The following FHOD3 variants were observed in gnomAD, a reference collection of about 807,000 sequenced individuals.
FHOD3 encodes formin homology 2 domain containing 3, also known as FH1/FH2 domain-containing protein 3.
In FHOD3, 90 loss-of-function variants were observed where a neutral mutation model predicts 173.0. That is an observed-to-expected ratio of 0.52 (90% CI 0.44 to 0.62). The LOEUF (loss-of-function observed/expected upper bound fraction) is 0.62. Ranked by LOEUF, FHOD3 falls within the 20% of genes least tolerant of loss-of-function variation. The pLI, the probability that FHOD3 is intolerant of heterozygous loss-of-function variation, is 0.00. For missense variants in FHOD3, 1,945 were observed against 2,034.7 expected, an observed-to-expected ratio of 0.96 and a Z score of 0.85; for synonymous variants, 828 against 823.0, an observed-to-expected ratio of 1.01 and a Z score of -0.10.
intron 1 of FHOD3, among the ~76,000 whole-genome samples, chr18:36,344,073 T>C (rs1390034934): frequency 6.6e-6 from 1 of 152,144 alleles, no homozygotes; most frequent in African/African-American, 2.4e-5. Flanking sequence ...AATAGGTGAA[T>C]TATGTGGTAT....
At chr18:36,444,216 T>C (rs1031350323) in intron 3 of FHOD3, among the ~76,000 whole-genome samples, 5 of 135,028 alleles carry the variant, frequency 3.7e-5, no homozygotes, top group African/African-American at 1.4e-4. Flanking sequence ...AAAAAAAGAA[T>C]TGTAAATTTT....
At chr18:36,719,751 A>C (rs1313243038) in intron 19 of FHOD3, among the ~76,000 whole-genome samples, 3 of 152,230 alleles carry the variant, frequency 2.0e-5, no homozygotes, top group African/African-American at 4.8e-5. Context: ...ATTCTGTATC[A>C]AAATTACATG....
intron 9 of FHOD3, among the ~76,000 whole-genome samples, chr18:36,619,308 A>G (rs1354477023): frequency 6.6e-6 from 1 of 152,138 alleles, no homozygotes; most frequent in Non-Finnish European, 1.5e-5. Context: ...ATCTGACATG[A>G]CCACCTGAAA....
chr18:36,776,040 G>T (rs190977350), intron 28 of FHOD3, among the ~76,000 whole-genome samples: 68 of 152,316 alleles, frequency 4.5e-4, no homozygotes, highest in Non-Finnish European at 2.1e-4. Context: ...GTCATCCGCA[G>T]CCAGCCGACC....
At chr18:36,588,646 C>T (rs949453780) in intron 6 of FHOD3, among the ~76,000 whole-genome samples, 19 of 152,190 alleles carry the variant, frequency 1.2e-4, no homozygotes, top group African/African-American at 3.9e-4. Flanking sequence ...TTTTCCTTAA[C>T]GAGCAGCATA....
chr18:36,679,291 C>G (rs548345780), intron 14 of FHOD3, among the ~76,000 whole-genome samples: 1 of 151,868 alleles, frequency 6.6e-6, no homozygotes, highest in South Asian at 2.1e-4. Flanking sequence ...CATTTATGGC[C>G]CTTTTTCTTG....
Position 36,742,823 on chromosome 18 carries a change from C to T in FHOD3, c.3846C>T (p.Leu1282=). 1 of 1,613,950 alleles carries T rather than the reference C, an allele frequency of 6.2e-7. No homozygotes were observed. Among genetic ancestry groups the T allele is most frequent in the Non-Finnish European group, 8.5e-7 (1 of 1,179,930 alleles). The part of the protein sequence containing the change: ...NKTLGFILST[L]LAIGNFLNGT... ...CCTTGGGCTTTATCCTGTCTACTCTCTTAGCCATTGGGAACTTTCTAAATG... is the reference window on the plus strand; with the variant it reads ...CCTTGGGCTTTATCCTGTCTACTCTTTTAGCCATTGGGAACTTTCTAAATG... The change falls in exon 22 of 29, where the codon CTC becomes CTT. Residue 1282 remains leucine (L), a synonymous_variant. Transcript: ENST00000590592.
intron 10 of FHOD3, among the ~76,000 whole-genome samples, chr18:36,636,919 A>G (rs1221370279): frequency 6.6e-6 from 1 of 152,102 alleles, no homozygotes; most frequent in Non-Finnish European, 1.5e-5. Flanking sequence ...ATATTTTTTC[A>G]TTCATAACAA....
intron 20 of FHOD3, among the ~76,000 whole-genome samples, chr18:36,739,094 G>C (rs1168467065): frequency 6.6e-6 from 1 of 152,146 alleles, no homozygotes; most frequent in Non-Finnish European, 1.5e-5. Context: ...ATTGCTCATA[G>C]GTATAAGCTA....
chr18:36,473,447 G>C (rs762808267), intron 3 of FHOD3, among the ~76,000 whole-genome samples: 1 of 152,112 alleles, frequency 6.6e-6, no homozygotes, highest in Non-Finnish European at 1.5e-5. Context: ...CCTGAGACCT[G>C]CTGAATCAGA....
chr18:36,405,851 T>TC (rs1184680578), intron 3 of FHOD3, among the ~76,000 whole-genome samples: 3 of 152,206 alleles, frequency 2.0e-5, no homozygotes, highest in East Asian at 1.9e-4. Context: ...TTCCTTTTTT[T>TC]CCCCCTTTGT....
intron 24 of FHOD3, among the ~76,000 whole-genome samples, chr18:36,752,304 T>C (rs1055599232): frequency 1.3e-5 from 2 of 152,214 alleles, no homozygotes; most frequent in Admixed American, 6.5e-5. Flanking sequence ...ACTACAGCAA[T>C]GGACTGCCAT....
chr18:36,477,590 CCTACCTACCTATCTACCTAT>C (rs1568324640), intron 3 of FHOD3, among the ~76,000 whole-genome samples: 9 of 119,238 alleles, frequency 7.5e-5, no homozygotes, highest in African/African-American at 2.7e-4. Flanking sequence ...TACCTACCTA[CCTACCTACCTATCTACCTAT>C]CTATCTATAT....
At chr18:36,358,044 A>G (rs935330532) in intron 2 of FHOD3, among the ~76,000 whole-genome samples, 1 of 152,240 alleles carries the variant, frequency 6.6e-6, no homozygotes, top group African/African-American at 2.4e-5. Flanking sequence ...ATAATTAATT[A>G]TCATACTAGT....
Position 36,753,157 on chromosome 18 carries a change from G to A in FHOD3, c.4233-1962G>A, listed in dbSNP as rs138274456. Among the ~76,000 whole-genome samples, 3 of 152,232 alleles carry A rather than the reference G, an allele frequency of 2.0e-5. No homozygotes were observed. In the East Asian group the frequency reaches 5.8e-4, roughly 29 times the overall value. Reference sequence around the variant, plus strand: ...ACATTCTACACATGGGGAACAGCTGGTACTGGATACCTTGTCAGGCCTGTG... The same window carrying A: ...ACATTCTACACATGGGGAACAGCTGATACTGGATACCTTGTCAGGCCTGTG... On this transcript the variant is annotated intron_variant, in intron 24 of 28. Coordinates refer to ENST00000590592, the MANE Select transcript of FHOD3 (RefSeq NM_001281740.3).
At chr18:36,594,422 C>T (rs1301688524) in intron 6 of FHOD3, among the ~76,000 whole-genome samples, 2 of 152,118 alleles carry the variant, frequency 1.3e-5, no homozygotes, top group Non-Finnish European at 2.9e-5. Context: ...ATGTCTACCT[C>T]ACAGTGTTAT....
In FHOD3 at chr18:36,624,169, G is replaced by A. The variant is rs73433523; in HGVS notation, c.958-1342G>A. 6.0e-3 allele frequency among the ~76,000 whole-genome samples: 908 copies of A among 152,294 alleles called. 4 individuals are homozygous for A. Among genetic ancestry groups the A allele is most frequent in the African/African-American group, 0.02 (821 of 41,558 alleles). ...TTATGGGCATCTTAGGTCACTTCCT[G>A]TGAGAGAATGGATAGGGGAAGGCAG... On this transcript the variant is annotated intron_variant, in intron 9 of 28. Transcript: ENST00000590592.
intron 3 of FHOD3, among the ~76,000 whole-genome samples, chr18:36,495,417 A>G (rs950145256): frequency 3.3e-5 from 5 of 151,974 alleles, no homozygotes; most frequent in Non-Finnish European, 7.4e-5. Flanking sequence ...CCTCACTAAC[A>G]TGTGTTCATG....
intron 5 of FHOD3, among the ~76,000 whole-genome samples, chr18:36,558,402 C>A (rs1365560790): frequency 6.6e-6 from 1 of 152,080 alleles, no homozygotes; most frequent in Non-Finnish European, 1.5e-5. Flanking sequence ...TATATTTAGT[C>A]TAGCTTTTTA....
Sources: gnomAD v4.1 joint callset for allele counts (sites outside exome capture counted in the v4.1 genomes callset) on GRCh38, gnomAD v4.1.1 for gene constraint, MANE v1.5 for transcripts, NCBI Gene and HGNC (gene_info 2026-07-23, HGNC 2026-07-21) for gene names.